CCDC85C: variants seen among roughly 807,000 people sequenced by gnomAD.
The protein encoded by CCDC85C is coiled-coil domain-containing protein 85C.
A neutral mutation model predicts 38.3 loss-of-function variants in CCDC85C; 18 were observed. The ratio of observed to expected loss-of-function variants is 0.47; its 90% CI spans 0.33 to 0.70. CCDC85C has a LOEUF of 0.70. Ranked by LOEUF, CCDC85C falls within the 30% of genes least tolerant of loss-of-function variation. The probability of loss-of-function intolerance (pLI) is 0.03; values close to 1 mark genes in which losing one functional copy is unlikely to be tolerated. For synonymous variants in CCDC85C, 264 were observed against 293.8 expected (o/e 0.90, Z 1.04); for missense variants, 566 against 621.2 (o/e 0.91, Z 0.94).
At chr14:99,537,668 G>A (rs1897630143) in intron 1 of CCDC85C, among the ~76,000 whole-genome samples, 4 of 152,112 alleles carry the variant, frequency 2.6e-5, no homozygotes, top group Admixed American at 2.0e-4. Flanking sequence ...TCCCCATCCA[G>A]GCCCAGCCTC....
chr14:99,531,072 C>G (rs1430682100), intron 2 of CCDC85C, among the ~76,000 whole-genome samples: 1 of 152,202 alleles, frequency 6.6e-6, no homozygotes, highest in East Asian at 1.9e-4. Context: ...CCCATCTGTG[C>G]CTAGTGTGAA....
At chr14:99,594,038 C>T (rs898284604) in intron 1 of CCDC85C, among the ~76,000 whole-genome samples, 25 of 19,212 alleles carry the variant, frequency 1.3e-3, no homozygotes, top group Admixed American at 2.9e-3. Flanking sequence ...GGGCGGGGGG[C>T]GGGGAGTAAC....
intron 1 of CCDC85C, among the ~76,000 whole-genome samples, chr14:99,552,296 C>T (rs1277450156): frequency 6.6e-6 from 1 of 152,198 alleles, no homozygotes; most frequent in Non-Finnish European, 1.5e-5. Context: ...AAGCATTCTG[C>T]GGAGGCTGAC....
rs1203113711 is a variant in CCDC85C, at chr14:99,603,806, G to C, written c.154C>G (p.Leu52Val). 1 of 1,525,040 alleles carries C rather than the reference G, an allele frequency of 6.6e-7. No individual in the cohort carries two copies. The highest frequency in any genetic ancestry group is 1.2e-5 in the South Asian group (1 of 82,276). The allele number at this position is 1,525,040 out of a possible 1,614,324, so 94.5% of individuals were successfully genotyped here. A position where few individuals can be genotyped will look rare whatever the true frequency, so the allele number is the denominator to read the frequency against. ...AGCCGCCGGTTCACGTCGCGCATCA[G>C]GCCGCCGTGCTCCAGCATGAGGCCC... ...KVGLMLEHGG[L>V]MRDVNRRLQQ... is the part of the protein sequence containing the mutation. Residue 52 changes from leucine to valine, a missense_variant, in exon 1 of 6, where the codon CTG (leucine) becomes GTG (valine). Physicochemically the swap from Leu to Val is conservative, Grantham distance 32. Coordinates refer to ENST00000380243, the MANE Select transcript of CCDC85C (RefSeq NM_001144995.2). The surrounding 1 kb of genome is among the most constrained non-coding windows in gnomAD (Gnocchi z 7.5).
In CCDC85C at chr14:99,515,019, C is replaced by T. The variant is rs1225114608; in HGVS notation, c.*227G>A. The T allele has an allele frequency of 4.1e-6, 2 of 489,902 alleles. No homozygotes were observed. Among genetic ancestry groups the T allele is most frequent in the East Asian group, 3.5e-5 (1 of 28,224 alleles). The allele number at this position is 489,902 out of a possible 1,614,324, so 30.3% of individuals were successfully genotyped here. On this transcript the variant is annotated 3_prime_UTR_variant, in exon 6 of 6. Transcript: ENST00000380243. The stretch of plus-strand genomic sequence containing the variant: ...CGGGCCGCTCTGCTGCAGGAACAGT[C>T]GCAGCGTCTCGTCTTCCCAGGTTGC...
Position 99,603,476 on chromosome 14 carries a change from C to G in CCDC85C, c.484G>C (p.Gly162Arg), listed in dbSNP as rs2055232279. ...CCGCCGCCGCCACCGCTTGCGGCCC[C>G]CGTCGCCGCCAGTGCCGCGCGCTCC... ...DEERAALAATGAASGGGGGGG... is the reference protein window; with the variant it reads ...DEERAALAATRAASGGGGGGG... Residue 162 changes from glycine (G) to arginine (R), a missense_variant, in exon 1 of 6, where the codon GGG becomes CGG. Around this residue, in one of 3 missense-constraint regions of CCDC85C, gnomAD observed 269 missense variants for 308.2 expected, o/e 0.87. Transcript: ENST00000380243. The surrounding 1 kb of genome is among the most constrained non-coding windows in gnomAD (Gnocchi z 7.5). The G allele has an allele frequency of 7.8e-7, 1 of 1,288,004 alleles. No individual in the cohort carries two copies. The highest frequency in any genetic ancestry group is 1.6e-5 in the African/African-American group (1 of 64,186). The allele number at this position is 1,288,004 out of a possible 1,614,324, so 79.8% of individuals were successfully genotyped here.
intron 1 of CCDC85C, among the ~76,000 whole-genome samples, chr14:99,562,701 C>A (rs1898140457): frequency 6.6e-6 from 1 of 152,140 alleles, no homozygotes; most frequent in Non-Finnish European, 1.5e-5. Context: ...CACAAAGGAG[C>A]CACCTCCTCC....
At chr14:99,550,428 C>T (rs1482621037) in intron 1 of CCDC85C, among the ~76,000 whole-genome samples, 2 of 152,138 alleles carry the variant, frequency 1.3e-5, no homozygotes, top group African/African-American at 4.8e-5. Context: ...GGGAACGCAG[C>T]CCTGCTGATG....
rs376250447 is a variant in CCDC85C, at chr14:99,510,632, C to T, written c.*4614G>A. 744 of 1,409,416 alleles carry T rather than the reference C, an allele frequency of 5.3e-4. 4 individuals carry two copies. The African/African-American group carries it at 0.012, about 22-fold the overall frequency. 87.3% of individuals were successfully genotyped at this position (1,409,416 alleles called of 1,614,324 possible). Reference sequence around the variant, plus strand: ...GCCTCCCGCCTACCCACGCAGTCCCCCCTCATCCTCCTCCAGGGTTGGGCC... The same window carrying T: ...GCCTCCCGCCTACCCACGCAGTCCCTCCTCATCCTCCTCCAGGGTTGGGCC... On this transcript the variant is annotated 3_prime_UTR_variant, in exon 6 of 6. Coordinates refer to ENST00000380243, the MANE Select transcript of CCDC85C (RefSeq NM_001144995.2).
At chr14:99,527,417 G>A (rs1897406668) in intron 2 of CCDC85C, among the ~76,000 whole-genome samples, 1 of 152,220 alleles carries the variant, frequency 6.6e-6, no homozygotes, top group South Asian at 2.1e-4. Flanking sequence ...GTAATGCGGG[G>A]CAGGTATTCT....
At chr14:99,521,140 C>A (rs898465356) in intron 3 of CCDC85C, among the ~76,000 whole-genome samples, 1 of 152,248 alleles carries the variant, frequency 6.6e-6, no homozygotes, top group Admixed American at 6.5e-5. Flanking sequence ...ATGAGAGGCA[C>A]GGGGCATGAA....
intron 1 of CCDC85C, among the ~76,000 whole-genome samples, chr14:99,562,806 C>T (rs998114106): frequency 3.3e-5 from 5 of 152,174 alleles, no homozygotes; most frequent in South Asian, 2.1e-4. Context: ...CACAAAGGCA[C>T]GCTCCCAGAA....
chr14:99,592,378 C>T (rs2055097352), intron 1 of CCDC85C, among the ~76,000 whole-genome samples: 1 of 152,142 alleles, frequency 6.6e-6, no homozygotes, highest in South Asian at 2.1e-4. Context: ...AGCATAGTCA[C>T]CAGCAGCAAT....
At position 99,548,026 on chromosome 14, in the gene CCDC85C, G is replaced by T. The variant is rs892135103; in HGVS notation, c.794-11938C>A. ...AAAACTTGAGCTTTCAGGTAGAAAA[G>T]GATTTCTTAATCAAGGAACAAAAAG... On this transcript the variant is annotated intron_variant, in intron 1 of 5. Coordinates refer to ENST00000380243, the MANE Select transcript of CCDC85C (RefSeq NM_001144995.2). This position sits in a 1 kb window ranked among gnomAD's most constrained non-coding sequence, Gnocchi z 4.9. Among the ~76,000 whole-genome samples the T allele has an allele frequency of 1.3e-5, 2 of 152,040 alleles. No individual in the cohort carries two copies. Among genetic ancestry groups the T allele is most frequent in the African/African-American group, 4.8e-5 (2 of 41,390 alleles).
In CCDC85C at chr14:99,535,573, AT is replaced by A. The variant is rs1463024169; in HGVS notation, c.867+441del. 6.6e-6 allele frequency among the ~76,000 whole-genome samples: 1 copy of A among 151,890 alleles called. No homozygotes were observed. Among genetic ancestry groups the A allele is most frequent in the Non-Finnish European group, 1.5e-5 (1 of 67,932 alleles). On this transcript the variant is annotated intron_variant, in intron 2 of 5. Transcript: ENST00000380243. The surrounding 1 kb of genome is among the most constrained non-coding windows in gnomAD (Gnocchi z 5.5). The stretch of plus-strand genomic sequence containing the variant: ...AGCTCTGCACAGGGGTAGCAGCCTC[AT>A]CTGTCTGTGGGTGAGGTCGGGCCCA...
In CCDC85C at chr14:99,576,944, C is replaced by T. The variant is rs952806073; in HGVS notation, c.793+26223G>A. On this transcript the variant is annotated intron_variant, in intron 1 of 5. Coordinates refer to ENST00000380243, the MANE Select transcript of CCDC85C (RefSeq NM_001144995.2). This position sits in a 1 kb window ranked among gnomAD's most constrained non-coding sequence, Gnocchi z 4.8. ...ACCCACTGCTGAGCTCTCCCTCGCC[C>T]CCAGGCTGCCTGGGGGCACGGTGGA... Among the ~76,000 whole-genome samples, 20 of 151,974 alleles carry T rather than the reference C, an allele frequency of 1.3e-4. No individual in the cohort carries two copies. Among genetic ancestry groups the T allele is most frequent in the Non-Finnish European group, 1.0e-4 (7 of 67,968 alleles).
chr14:99,501,430 GTTGA>G lies in CCDC85C; in HGVS notation c.*13812_*13815del. ...AAATGACAGGTATACATGTTCAAAT[GTTGA>G]TTAATTACAGTATTTTAAAATAGGC... On this transcript the variant is annotated 3_prime_UTR_variant, in exon 6 of 6. Transcript: ENST00000380243. The G allele has an allele frequency of 6.6e-7, 1 of 1,512,972 alleles. No individual in the cohort carries two copies. Among genetic ancestry groups the G allele is most frequent in the Admixed American group, 1.7e-5 (1 of 59,590 alleles). 93.7% of individuals were successfully genotyped at this position (1,512,972 alleles called of 1,614,324 possible).
rs1898056530 is a variant in CCDC85C, at chr14:99,558,670, G to A, written c.794-22582C>T. 1.3e-5 allele frequency among the ~76,000 whole-genome samples: 2 copies of A among 152,154 alleles called. No individual in the cohort carries two copies. The highest frequency in any genetic ancestry group is 2.4e-5 in the African/African-American group (1 of 41,440). ...AATTAATCCAATGACTGGTGTCCTTGTAAGAGACAGAAAAGGGCAAATGGA... is the reference window on the plus strand; with the variant it reads ...AATTAATCCAATGACTGGTGTCCTTATAAGAGACAGAAAAGGGCAAATGGA... On this transcript the variant is annotated intron_variant, in intron 1 of 5. Transcript: ENST00000380243. The surrounding 1 kb of genome is among the most constrained non-coding windows in gnomAD (Gnocchi z 4.2).
rs1897145009 is a variant in CCDC85C, at chr14:99,512,145, CAAAAAG to C, written c.*3095_*3100del. On this transcript the variant is annotated 3_prime_UTR_variant, in exon 6 of 6. Transcript: ENST00000380243. ...CAAATCAATGTTTTTACCACACTAT[CAAAAAG>C]TTCTATTTCTTCTTGTCTCCCCACG... is the stretch of plus-strand genomic sequence containing the variant. 6.6e-6 allele frequency: 1 copy of C among 152,178 alleles called. No homozygotes were observed. The highest frequency in any genetic ancestry group is 2.4e-5 in the African/African-American group (1 of 41,444). 9.4% of individuals were successfully genotyped at this position (152,178 alleles called of 1,614,324 possible). A position where few individuals can be genotyped will look rare whatever the true frequency, so the allele number is the denominator to read the frequency against.
Sources: gnomAD v4.1 joint callset for allele counts (sites outside exome capture counted in the v4.1 genomes callset) on GRCh38, gnomAD v4.1.1 for gene constraint, gnomAD v4.1.1 regional missense constraint, Gnocchi (gnomAD v3.1) non-coding constraint, MANE v1.5 for transcripts, NCBI Gene and HGNC (gene_info 2026-07-23, HGNC 2026-07-21) for gene names.